The following HHLA1 variants were observed in gnomAD, a reference collection of about 807,000 sequenced individuals.
HHLA1 encodes HHLA1 neighbor of OC90.
In HHLA1, 72 loss-of-function variants were observed where a neutral mutation model predicts 69.9. The observed-to-expected ratio is 1.03, with a 90% CI of 0.85 to 1.25. The LOEUF (loss-of-function observed/expected upper bound fraction) is 1.25, where lower values mean the gene tolerates loss of function less well. HHLA1 is among the 50% of genes most tolerant of loss of function. The pLI, the probability that HHLA1 is intolerant of heterozygous loss-of-function variation, is 0.00. For missense variants in HHLA1, 685 were observed against 642.2 expected, an observed-to-expected ratio of 1.07 and a Z score of -0.72; for synonymous variants, 252 against 233.2, an observed-to-expected ratio of 1.08 and a Z score of -0.73.
At chr8:132,094,216 A>T (rs1823986478) in intron 7 of HHLA1, among the ~76,000 whole-genome samples, 1 of 152,174 alleles carries the variant, frequency 6.6e-6, no homozygotes, top group Non-Finnish European at 1.5e-5. Context: ...TAAGTGGGGA[A>T]AAGTACAAGA....
At chr8:132,069,396 GC>G (rs994803500) in intron 15 of HHLA1, among the ~76,000 whole-genome samples, 21 of 152,038 alleles carry the variant, frequency 1.4e-4, no homozygotes, top group African/African-American at 5.1e-4. Flanking sequence ...TATCACAGAG[GC>G]TACGTTCAGC....
chr8:132,107,104 CCTT>C (rs1199137657), intron 1 of HHLA1, among the ~76,000 whole-genome samples: 3 of 151,924 alleles, frequency 2.0e-5, no homozygotes, highest in Admixed American at 6.6e-5. Context: ...CCTCTTTCCC[CCTT>C]CTTCTTCTGT....
At position 132,062,858 on chromosome 8, in the gene HHLA1, T is replaced by C. The variant is rs768730646; in HGVS notation, c.*1137A>G. The C allele has an allele frequency of 1.3e-5, 2 of 152,242 alleles. No homozygotes were observed. Among genetic ancestry groups the C allele is most frequent in the East Asian group, 1.9e-4 (1 of 5,196 alleles). The allele number at this position is 152,242 out of a possible 1,614,324, so 9.4% of individuals were successfully genotyped here. A position where few individuals can be genotyped will look rare whatever the true frequency, so the allele number is the denominator to read the frequency against. On this transcript the variant is annotated 3_prime_UTR_variant, in exon 17 of 17. Coordinates refer to ENST00000414222, the MANE Select transcript of HHLA1 (RefSeq NM_001145095.3). ...CTCCTGGGGAATCCCCTGTAAATCC[T>C]TGGAATATCCTGCCTGATGAGTGTC... is the stretch of plus-strand genomic sequence containing the variant.
rs201966926 is a variant in HHLA1, at chr8:132,074,329, C to CTT, written c.1315+1724_1315+1725dup. Among the ~76,000 whole-genome samples, 632 of 146,148 alleles carry CTT rather than the reference C, an allele frequency of 4.3e-3. 3 individuals are homozygous for CTT. The highest frequency in any genetic ancestry group is 0.027 in the East Asian group (135 of 5,012). On this transcript the variant is annotated intron_variant, in intron 14 of 16. Coordinates refer to ENST00000414222, the MANE Select transcript of HHLA1 (RefSeq NM_001145095.3). ...AGTCACTCTTTTTTTTCAATTGCAG[C>CTT]TTTTTTTTTTTTCACATATGGCATA... is the stretch of plus-strand genomic sequence containing the variant.
At chr8:132,107,901 C>G (rs1049078712) in intron 1 of HHLA1, among the ~76,000 whole-genome samples, 2 of 152,232 alleles carry the variant, frequency 1.3e-5, no homozygotes, top group Non-Finnish European at 2.9e-5. Context: ...AAAACTGAGA[C>G]TATCTGGCCT....
At chr8:132,077,148 G>A (rs1049859355) in intron 12 of HHLA1, among the ~76,000 whole-genome samples, 2 of 152,162 alleles carry the variant, frequency 1.3e-5, no homozygotes, top group African/African-American at 4.8e-5. Flanking sequence ...ATGGATAAGT[G>A]GAAGGAAAGA....
intron 10 of HHLA1, among the ~76,000 whole-genome samples, chr8:132,081,828 A>G (rs565109403): frequency 6.4e-4 from 97 of 152,310 alleles, no homozygotes; most frequent in Non-Finnish European, 1.1e-3. Context: ...GAGTAGTAGA[A>G]TAGCAGATGG....
chr8:132,096,953 G>A (rs1327486439), intron 5 of HHLA1, among the ~76,000 whole-genome samples: 1 of 152,102 alleles, frequency 6.6e-6, no homozygotes, highest in Non-Finnish European at 1.5e-5. Context: ...GGGATTATAG[G>A]CATGACCCAC....
chr8:132,062,242 A>G lies in HHLA1; in HGVS notation c.*1753T>C, dbSNP rs1289414266. On this transcript the variant is annotated 3_prime_UTR_variant, in exon 17 of 17. Coordinates refer to ENST00000414222, the MANE Select transcript of HHLA1 (RefSeq NM_001145095.3). ...GCAAAAGTCATGATAATATACATTT[A>G]TGAGCTTGACATTTGCATAACTTGG... 3 of 152,246 alleles carry G rather than the reference A, an allele frequency of 2.0e-5. No individual in the cohort carries two copies. Among genetic ancestry groups the G allele is most frequent in the Non-Finnish European group, 4.4e-5 (3 of 68,048 alleles). 9.4% of individuals were successfully genotyped at this position (152,246 alleles called of 1,614,324 possible).
At chr8:132,108,814 G>A (rs781422819) in intron 1 of HHLA1, among the ~76,000 whole-genome samples, 1 of 152,086 alleles carries the variant, frequency 6.6e-6, no homozygotes, top group African/African-American at 2.4e-5. Flanking sequence ...TGCTGAGTGG[G>A]CACACAAACC....
chr8:132,079,692 G>A (rs1342231718), intron 11 of HHLA1, 26 bp downstream of exon 11: 4 of 1,521,812 alleles, frequency 2.6e-6, no homozygotes, highest in Non-Finnish European at 3.5e-6. Context: ...TAGCAAAGGG[G>A]AGGAAAGGGT....
At chr8:132,090,739 C>A (rs1375937540) in intron 7 of HHLA1, among the ~76,000 whole-genome samples, 1 of 148,196 alleles carries the variant, frequency 6.7e-6, no homozygotes, top group African/African-American at 2.5e-5. Flanking sequence ...CAAACATGGG[C>A]ACCCTCTTTC....
chr8:132,105,251 C>G lies in HHLA1; in HGVS notation c.15G>C (p.Leu5=). The change falls in exon 2 of 17, where the codon CTG becomes CTC. Residue 5 remains leucine (L), a synonymous_variant. Coordinates refer to ENST00000414222, the MANE Select transcript of HHLA1 (RefSeq NM_001145095.3). MLGF[L]SRGPSMKLCM... ...ACAGCTTCATTGAAGGACCACGTGA[C>G]AGGAAGCCCAGCATGCTTGTGATAC... is the stretch of plus-strand genomic sequence containing the variant. The G allele has an allele frequency of 6.4e-7, 1 of 1,552,140 alleles. No individual in the cohort carries two copies. Among genetic ancestry groups the G allele is most frequent in the Non-Finnish European group, 8.7e-7 (1 of 1,147,050 alleles).
intron 14 of HHLA1, among the ~76,000 whole-genome samples, chr8:132,074,255 C>A (rs927338738): frequency 2.6e-5 from 4 of 152,196 alleles, no homozygotes; most frequent in Admixed American, 6.5e-5. Context: ...TGAAGGTAAT[C>A]TCTTCCTCTC....
At chr8:132,093,751 C>T (rs1404327121) in intron 7 of HHLA1, among the ~76,000 whole-genome samples, 1 of 152,132 alleles carries the variant, frequency 6.6e-6, no homozygotes, top group Non-Finnish European at 1.5e-5. Context: ...TTTTATCTTT[C>T]ACACAATCAG....
At chr8:132,065,444 G>A (rs879341520) in intron 16 of HHLA1, among the ~76,000 whole-genome samples, 5 of 152,158 alleles carry the variant, frequency 3.3e-5, no homozygotes, top group Non-Finnish European at 7.4e-5. Context: ...ACCACGCCTG[G>A]CTAGTTTTTT....
intron 12 of HHLA1, among the ~76,000 whole-genome samples, chr8:132,077,128 G>C (rs1197750416): frequency 6.6e-6 from 1 of 152,116 alleles, no homozygotes; most frequent in African/African-American, 2.4e-5. Context: ...AAGCAGGCAA[G>C]TTCCGTCATA....
intron 10 of HHLA1, chr8:132,080,408 G>T: frequency 3.1e-6 from 1 of 322,524 alleles, no homozygotes; most frequent in Non-Finnish European, 6.0e-6. Flanking sequence ...ACAGTCAAAG[G>T]GGGTTTGTTC....
intron 7 of HHLA1, among the ~76,000 whole-genome samples, chr8:132,089,842 C>T (rs1452623159): frequency 2.6e-5 from 4 of 152,134 alleles, no homozygotes; most frequent in Admixed American, 2.0e-4. Flanking sequence ...ATCCTCTCTC[C>T]CAACCCCTTC....
Sources: allele counts gnomAD v4.1 joint callset (sites outside exome capture counted in the v4.1 genomes callset), GRCh38; gene constraint gnomAD v4.1.1; transcripts MANE v1.5; gene names NCBI Gene and HGNC (gene_info 2026-07-23, HGNC 2026-07-21).